The following FILIP1 variants were observed in gnomAD, a reference collection of about 807,000 sequenced individuals.
The protein encoded by FILIP1 is filamin-A-interacting protein 1.
Under a neutral mutation model 102.1 loss-of-function variants are expected in FILIP1, and 61 were observed. The observed-to-expected ratio is 0.60, with a 90% confidence interval of 0.49 to 0.74. The LOEUF (loss-of-function observed/expected upper bound fraction) is 0.74. Among genes scored for constraint, FILIP1 ranks in the 30% least tolerant of loss-of-function variants. The pLI is 0.00. For synonymous variants in FILIP1, 491 were observed against 526.9 expected, an observed-to-expected ratio of 0.93 and a Z score of 0.93; for missense variants, 1,314 against 1,441.2, an observed-to-expected ratio of 0.91 and a Z score of 1.43.
chr6:75,441,824 C>A (rs1489571884), intron 1 of FILIP1, among the ~76,000 whole-genome samples: 7 of 146,358 alleles, frequency 4.8e-5, no homozygotes, highest in Non-Finnish European at 9.1e-5. Flanking sequence ...GGGCGGCTGG[C>A]CGGGCGGGGG....
At chr6:75,481,662 C>T (rs183391296) in intron 1 of FILIP1, among the ~76,000 whole-genome samples, 1 of 152,208 alleles carries the variant, frequency 6.6e-6, no homozygotes, top group African/African-American at 2.4e-5. Context: ...TGATGCCACA[C>T]CATTTAGATC....
At chr6:75,309,236 C>T (rs1165662497) in intron 5 of FILIP1, among the ~76,000 whole-genome samples, 1 of 152,172 alleles carries the variant, frequency 6.6e-6, no homozygotes, top group Non-Finnish European at 1.5e-5. Flanking sequence ...ACTCCTACTG[C>T]TCCCTAAATT....
intron 1 of FILIP1, among the ~76,000 whole-genome samples, chr6:75,441,817 C>A (rs1287124680): frequency 6.8e-6 from 1 of 147,486 alleles, no homozygotes; most frequent in Non-Finnish European, 1.5e-5. Context: ...CCGGACGGGG[C>A]GGCTGGCCGG....
At chr6:75,405,465 CAT>C (rs1387889704) in intron 2 of FILIP1, among the ~76,000 whole-genome samples, 1 of 151,792 alleles carries the variant, frequency 6.6e-6, no homozygotes, top group African/African-American at 2.4e-5. Context: ...GAAAAAAAAA[CAT>C]AAAGTTTTTC....
At chr6:75,340,854 C>A (rs1338469048) in intron 4 of FILIP1, among the ~76,000 whole-genome samples, 1 of 139,832 alleles carries the variant, frequency 7.2e-6, no homozygotes. Flanking sequence ...CACCACAATG[C>A]TCAGGAATTT....
chr6:75,326,142 C>T (rs1773854833), intron 4 of FILIP1, among the ~76,000 whole-genome samples: 1 of 151,886 alleles, frequency 6.6e-6, no homozygotes, highest in East Asian at 1.9e-4. Context: ...CACACACACA[C>T]ACACATCATG....
chr6:75,309,595 T>C lies in FILIP1; in HGVS notation c.3436-698A>G, dbSNP rs899908545. Among the ~76,000 whole-genome samples the C allele has an allele frequency of 5.9e-5, 9 of 152,314 alleles. 1 individual carries two copies. The highest frequency in any genetic ancestry group is 5.9e-4 in the Admixed American group (9 of 15,304). ...AAACCCTGGGATCCCTAGGCTTCAGTGCCCTCTAGAAATGCAGATCCTTAT... is the reference window on the plus strand; with the variant it reads ...AAACCCTGGGATCCCTAGGCTTCAGCGCCCTCTAGAAATGCAGATCCTTAT... On this transcript the variant is annotated intron_variant, in intron 5 of 5. Coordinates refer to ENST00000237172, the MANE Select transcript of FILIP1 (RefSeq NM_015687.5).
At chr6:75,355,053 G>C (rs1160937476) in intron 3 of FILIP1, among the ~76,000 whole-genome samples, 1 of 152,162 alleles carries the variant, frequency 6.6e-6, no homozygotes, top group African/African-American at 2.4e-5. Flanking sequence ...TCAGCACTTT[G>C]AGAGGCGGAG....
At chr6:75,412,495 G>A (rs374823725) in intron 2 of FILIP1, among the ~76,000 whole-genome samples, 31 of 152,082 alleles carry the variant, frequency 2.0e-4, no homozygotes, top group South Asian at 6.2e-4. Flanking sequence ...GTCTTGTGCC[G>A]GTTTTCAAAG....
chr6:75,423,206 G>A (rs1186983518), intron 1 of FILIP1, among the ~76,000 whole-genome samples: 1 of 152,140 alleles, frequency 6.6e-6, no homozygotes, highest in African/African-American at 2.4e-5. Context: ...AGCATTTGAA[G>A]CAAATTGGAA....
intron 4 of FILIP1, among the ~76,000 whole-genome samples, chr6:75,332,744 A>G (rs999803187): frequency 1.6e-4 from 24 of 152,188 alleles, no homozygotes; most frequent in African/African-American, 5.1e-4. Context: ...CTCCTTCCAC[A>G]TACACCTCCC....
chr6:75,454,247 A>G (rs762201811), intron 1 of FILIP1, among the ~76,000 whole-genome samples: 8 of 152,092 alleles, frequency 5.3e-5, no homozygotes, highest in Non-Finnish European at 7.4e-5. Context: ...AGAGGCCTTT[A>G]CTTCCTAAAA....
At chr6:75,449,321 TG>T (rs923947770) in intron 1 of FILIP1, among the ~76,000 whole-genome samples, 5 of 152,000 alleles carry the variant, frequency 3.3e-5, no homozygotes, top group African/African-American at 9.7e-5. Flanking sequence ...TTTGGGGACT[TG>T]GGGGGAAAGG....
At chr6:75,346,180 T>C (rs894657867) in intron 4 of FILIP1, among the ~76,000 whole-genome samples, 20 of 152,208 alleles carry the variant, frequency 1.3e-4, no homozygotes, top group African/African-American at 4.6e-4. Context: ...AACTGGATTT[T>C]GTGGTGTATT....
intron 1 of FILIP1, among the ~76,000 whole-genome samples, chr6:75,438,067 C>G (rs1406516652): frequency 3.3e-5 from 5 of 152,202 alleles, no homozygotes; most frequent in African/African-American, 1.2e-4. Flanking sequence ...CATTATGTGG[C>G]ACAGTGACAG....
chr6:75,304,100 CA>C (rs1772916882), downstream of FILIP1, among the ~76,000 whole-genome samples: 1 of 151,904 alleles, frequency 6.6e-6, no homozygotes, highest in Non-Finnish European at 1.5e-5. Context: ...GAAAACCAAG[CA>C]GATGAAAAAT....
At chr6:75,352,079 C>G (rs1479925974) in intron 4 of FILIP1, among the ~76,000 whole-genome samples, 1 of 152,118 alleles carries the variant, frequency 6.6e-6, no homozygotes, top group African/African-American at 2.4e-5. Context: ...GTACCAAATC[C>G]AATAATAAAT....
rs201566310 is a variant in FILIP1, at chr6:75,308,647, G to A, written c.*44C>T. The A allele has an allele frequency of 3.8e-5, 61 of 1,604,902 alleles. No individual in the cohort carries two copies. The East Asian group carries it at 5.6e-4, about 15-fold the overall frequency. ...CAAACAGATGAAGGTTCACTTTCACGGCAGCAGTAGCATCTGCACAACATA... is the reference window on the plus strand; with the variant it reads ...CAAACAGATGAAGGTTCACTTTCACAGCAGCAGTAGCATCTGCACAACATA... On this transcript the variant is annotated 3_prime_UTR_variant, in exon 6 of 6. Coordinates refer to ENST00000237172, the MANE Select transcript of FILIP1 (RefSeq NM_015687.5).
chr6:75,404,937 G>T (rs997641280), intron 2 of FILIP1, among the ~76,000 whole-genome samples: 1 of 152,072 alleles, frequency 6.6e-6, no homozygotes. Context: ...CTCTTAACCT[G>T]TAAACACAGT....
Sources: allele counts gnomAD v4.1 joint callset (sites outside exome capture counted in the v4.1 genomes callset), GRCh38; gene constraint gnomAD v4.1.1; transcripts MANE v1.5; gene names NCBI Gene and HGNC (gene_info 2026-07-23, HGNC 2026-07-21).